The following MRPS27 variants were observed in gnomAD, a reference collection of about 807,000 sequenced individuals.
MRPS27 encodes the protein small ribosomal subunit protein mS27.
In MRPS27, 43 loss-of-function variants were observed where a neutral mutation model predicts 48.9. The observed-to-expected ratio is 0.88, with a 90% confidence interval of 0.69 to 1.13. The LOEUF is 1.13. MRPS27 is among the 50% of genes most tolerant of loss of function. The pLI is 0.00. For missense variants in MRPS27, 467 were observed against 476.3 expected (o/e 0.98, Z 0.18); for synonymous variants, 188 against 171.9 (o/e 1.09, Z -0.73).
At position 72,249,546 on chromosome 5, in the gene MRPS27, G is replaced by A. The variant is rs150322938; in HGVS notation, c.282-11418C>T. On this transcript the variant is annotated intron_variant, in intron 4 of 10. Coordinates refer to ENST00000261413, the MANE Select transcript of MRPS27 (RefSeq NM_015084.3). ...TAAAAAATACAAAAATTAGCCTGGC[G>A]CAGCAGCACGTGCCTGTAATCCCAG... Among the ~76,000 whole-genome samples, 1,048 of 152,020 alleles carry A rather than the reference G, an allele frequency of 6.9e-3. 8 individuals carry two copies. Among genetic ancestry groups the A allele is most frequent in the African/African-American group, 0.021 (856 of 41,436 alleles).
intron 6 of MRPS27, among the ~76,000 whole-genome samples, chr5:72,233,241 G>A (rs941966550): frequency 7.9e-5 from 12 of 152,104 alleles, no homozygotes; most frequent in African/African-American, 2.9e-4. Context: ...AGTATAACAC[G>A]TAACATAAAA....
At chr5:72,295,637 A>C in intron 3 of MRPS27, 48 bp from the exon 4 acceptor site, 1 of 1,471,900 alleles carries the variant, frequency 6.8e-7, no homozygotes, top group South Asian at 1.2e-5. Flanking sequence ...ATTATGTCAT[A>C]TATTTGGCCT....
At chr5:72,228,759 G>GCC in intron 7 of MRPS27, 1 of 161,116 alleles carries the variant, frequency 6.2e-6, no homozygotes, top group Non-Finnish European at 1.3e-5. Context: ...CATGCTGTCA[G>GCC]CCCCACAGTC....
At chr5:72,310,750 GCATTA>G (rs1191706617) in intron 2 of MRPS27, among the ~76,000 whole-genome samples, 1 of 152,190 alleles carries the variant, frequency 6.6e-6, no homozygotes, top group East Asian at 1.9e-4. Flanking sequence ...CAACATATTT[GCATTA>G]CATTAAAGTC....
intron 4 of MRPS27, among the ~76,000 whole-genome samples, chr5:72,259,833 G>A (rs1748919396): frequency 6.6e-6 from 1 of 152,034 alleles, no homozygotes; most frequent in South Asian, 2.1e-4. Flanking sequence ...ACTGTTTTTT[G>A]AGTATGTGTT....
chr5:72,243,323 A>G (rs1748413059), intron 4 of MRPS27, among the ~76,000 whole-genome samples: 1 of 151,958 alleles, frequency 6.6e-6, no homozygotes, highest in Non-Finnish European at 1.5e-5. Context: ...AATCACTGCT[A>G]CTCACTTTCT....
intron 2 of MRPS27, among the ~76,000 whole-genome samples, chr5:72,307,193 A>G (rs1168912162): frequency 6.6e-6 from 1 of 152,044 alleles, no homozygotes; most frequent in African/African-American, 2.4e-5. Flanking sequence ...CTCTGCTAAA[A>G]ATACAAAAAT....
intron 7 of MRPS27, among the ~76,000 whole-genome samples, chr5:72,230,449 C>T (rs996858426): frequency 1.4e-4 from 21 of 152,150 alleles, no homozygotes; most frequent in Non-Finnish European, 2.6e-4. Flanking sequence ...ACAAAGGTTA[C>T]GATTTAGTGC....
chr5:72,250,241 G>A (rs1011857643), intron 4 of MRPS27, among the ~76,000 whole-genome samples: 3 of 152,128 alleles, frequency 2.0e-5, no homozygotes, highest in Non-Finnish European at 4.4e-5. Flanking sequence ...AAAAATGTTA[G>A]AGATAATGTT....
chr5:72,259,909 T>C (rs535406944), intron 4 of MRPS27, among the ~76,000 whole-genome samples: 208 of 152,330 alleles, frequency 1.4e-3, no homozygotes, highest in African/African-American at 4.7e-3. Context: ...AGTATTTCAT[T>C]ATGTTATTTA....
intron 2 of MRPS27, among the ~76,000 whole-genome samples, chr5:72,306,922 ACT>A (rs773640269): frequency 5.3e-5 from 8 of 152,000 alleles, no homozygotes; most frequent in Non-Finnish European, 7.4e-5. Context: ...GGTTTATTCT[ACT>A]CTCTCTACTT....
chr5:72,286,749 T>C (rs1395747251), intron 4 of MRPS27, among the ~76,000 whole-genome samples: 1 of 152,238 alleles, frequency 6.6e-6, no homozygotes, highest in African/African-American at 2.4e-5. Context: ...AGCTGTCCTC[T>C]TACCTCTCTT....
At chr5:72,272,209 T>G (rs563741852) in intron 4 of MRPS27, among the ~76,000 whole-genome samples, 1 of 152,296 alleles carries the variant, frequency 6.6e-6, no homozygotes, top group South Asian at 2.1e-4. Context: ...AAGAATCGTT[T>G]TTACATTTTT....
intron 4 of MRPS27, among the ~76,000 whole-genome samples, chr5:72,242,703 C>G (rs921811844): frequency 6.7e-6 from 1 of 148,590 alleles, no homozygotes; most frequent in African/African-American, 2.5e-5. Context: ...CACACACACA[C>G]ACACTCACGG....
chr5:72,282,625 G>A (rs1749559971), intron 4 of MRPS27, among the ~76,000 whole-genome samples: 1 of 152,156 alleles, frequency 6.6e-6, no homozygotes, highest in Non-Finnish European at 1.5e-5. Context: ...TGGTTCTGTA[G>A]CTATTAGAAC....
intron 4 of MRPS27, among the ~76,000 whole-genome samples, chr5:72,267,635 G>A (rs1040787522): frequency 2.0e-5 from 3 of 152,108 alleles, no homozygotes; most frequent in African/African-American, 7.2e-5. Context: ...GCTAAGTTCT[G>A]GGAATATAAA....
chr5:72,266,646 TCAGGAGATCCAGAC>T (rs1448521402), intron 4 of MRPS27, among the ~76,000 whole-genome samples: 1 of 152,062 alleles, frequency 6.6e-6, no homozygotes, highest in East Asian at 1.9e-4. Flanking sequence ...GATCACGAGG[TCAGGAGATCCAGAC>T]CATCCTGGTT....
intron 4 of MRPS27, among the ~76,000 whole-genome samples, chr5:72,238,944 G>A (rs1422705536): frequency 2.0e-5 from 3 of 151,994 alleles, no homozygotes; most frequent in African/African-American, 4.8e-5. Context: ...ACTGACTGGA[G>A]ATTGAGCTGC....
At chr5:72,289,828 T>G (rs1039366437) in intron 4 of MRPS27, among the ~76,000 whole-genome samples, 4 of 152,196 alleles carry the variant, frequency 2.6e-5, no homozygotes, top group Admixed American at 6.5e-5. Context: ...TCAGTTCTGA[T>G]TATTGACACC....
Sources: gnomAD v4.1 joint callset for allele counts (sites outside exome capture counted in the v4.1 genomes callset) on GRCh38, gnomAD v4.1.1 for gene constraint, MANE v1.5 for transcripts, NCBI Gene and HGNC (gene_info 2026-07-23, HGNC 2026-07-21) for gene names.